Variants in SAXO1 observed in about 807,000 individuals in gnomAD.
The protein encoded by SAXO1 is stabilizer of axonemal microtubules 1, also known as 4930500O09Rik.
In SAXO1, 21 loss-of-function variants were observed where a neutral mutation model predicts 17.5. The ratio of observed to expected loss-of-function variants is 1.20; its 90% confidence interval spans 0.85 to 1.72. The LOEUF (loss-of-function observed/expected upper bound fraction) is 1.72. Among genes scored for constraint, SAXO1 ranks in the 40% most tolerant of loss-of-function variants. SAXO1 has a pLI of 0.00. For missense variants in SAXO1, 843 were observed against 596.0 expected, an observed-to-expected ratio of 1.41 and a Z score of -4.32; for synonymous variants, 274 against 216.5, an observed-to-expected ratio of 1.27 and a Z score of -2.33.
At chr9:18,998,707 C>G (rs1247005546) in intron 1 of SAXO1, among the ~76,000 whole-genome samples, 1 of 152,004 alleles carries the variant, frequency 6.6e-6, no homozygotes, top group East Asian at 1.9e-4. Context: ...TTAAGGGCAC[C>G]CAGAGAGAAA....
chr9:19,038,194 T>C (rs945614493), upstream of SAXO1, among the ~76,000 whole-genome samples: 6 of 152,334 alleles, frequency 3.9e-5, no homozygotes, highest in East Asian at 1.2e-3. Flanking sequence ...TGGAAGGCAG[T>C]GTGGCGATTC....
intron 1 of SAXO1, among the ~76,000 whole-genome samples, chr9:18,965,464 T>C (rs887535243): frequency 6.6e-6 from 1 of 152,242 alleles, no homozygotes; most frequent in Admixed American, 6.5e-5. Context: ...TTTAGGATAG[T>C]TAGCTCTTCT....
chr9:19,032,919 C>G lies in SAXO1; in HGVS notation c.-11G>C, dbSNP rs371503373. 3.1e-6 allele frequency: 5 copies of G among 1,607,344 alleles called. No homozygotes were observed. ...GCACTTCGTCTTCATAGGGGCGATC[C>G]TGAGGCCCTGACGTCCCCTCAGAGC... On this transcript the variant is annotated 5_prime_UTR_variant, in exon 1 of 4. Coordinates refer to ENST00000380534, the MANE Select transcript of SAXO1 (RefSeq NM_153707.4).
At chr9:18,997,267 C>G (rs1834045960) in intron 1 of SAXO1, among the ~76,000 whole-genome samples, 1 of 152,242 alleles carries the variant, frequency 6.6e-6, no homozygotes, top group Non-Finnish European at 1.5e-5. Context: ...CCACAGTCTT[C>G]ACAACCAGCA....
At chr9:19,012,517 C>A (rs75588142) in intron 1 of SAXO1, among the ~76,000 whole-genome samples, 1 of 152,150 alleles carries the variant, frequency 6.6e-6, no homozygotes, top group Admixed American at 6.5e-5. Flanking sequence ...GTGGCACGAA[C>A]CATATGGGGG....
intron 1 of SAXO1, chr9:19,027,380 GAC>G: frequency 1.3e-6 from 1 of 768,974 alleles, no homozygotes; most frequent in East Asian, 2.4e-5. Context: ...GTGGATGAGA[GAC>G]CCACGGAGCA....
intron 1 of SAXO1, among the ~76,000 whole-genome samples, chr9:18,966,688 T>A (rs1328939094): frequency 6.6e-6 from 1 of 152,206 alleles, no homozygotes; most frequent in South Asian, 2.1e-4. Context: ...GGTAGGAACA[T>A]GCTCCTTTGT....
chr9:18,996,763 T>G (rs1285988880), intron 1 of SAXO1, among the ~76,000 whole-genome samples: 1 of 152,092 alleles, frequency 6.6e-6, no homozygotes, highest in Non-Finnish European at 1.5e-5. Context: ...GAAAACTTTT[T>G]CCCTAAGATC....
At chr9:18,977,644 T>G (rs1833202609) in intron 1 of SAXO1, among the ~76,000 whole-genome samples, 2 of 152,188 alleles carry the variant, frequency 1.3e-5, no homozygotes, top group African/African-American at 4.8e-5. Context: ...AGGGGACCCA[T>G]GAGCCACTTG....
At chr9:18,960,478 CT>C (rs984176508) in intron 1 of SAXO1, among the ~76,000 whole-genome samples, 29 of 152,288 alleles carry the variant, frequency 1.9e-4, no homozygotes, top group Admixed American at 1.6e-3. Context: ...CCTGGACCCC[CT>C]GTCAGGTCCA....
rs1002675734 is a variant in SAXO1 at position 18,928,550 on chromosome 9, G to C, written c.927C>G (p.Ala309=). Residue 309 remains alanine, a synonymous_variant, in exon 4 of 4, where the codon GCC becomes GCG. Coordinates refer to ENST00000380534, the MANE Select transcript of SAXO1 (RefSeq NM_153707.4). ...DRMDLLTTVQ[A]HYTCPKGAPA... is the part of the protein sequence containing the mutation. ...GGGCACCCTTAGGGCATGTGTAATG[G>C]GCCTGCACTGTTGTCAGAAGATCCA... 1.2e-6 allele frequency: 2 copies of C among 1,614,096 alleles called. No homozygotes were observed. Among genetic ancestry groups the C allele is most frequent in the Non-Finnish European group, 1.7e-6 (2 of 1,180,002 alleles).
At chr9:19,000,831 G>A (rs1397590446) in intron 1 of SAXO1, among the ~76,000 whole-genome samples, 4 of 152,122 alleles carry the variant, frequency 2.6e-5, no homozygotes, top group Admixed American at 1.3e-4. Context: ...AAGATCAAAA[G>A]AGACAAAGAA....
At chr9:18,972,605 C>T (rs1832987413) in intron 1 of SAXO1, among the ~76,000 whole-genome samples, 2 of 152,152 alleles carry the variant, frequency 1.3e-5, no homozygotes, top group African/African-American at 4.8e-5. Flanking sequence ...CATGAACAGT[C>T]TAGGGCTACA....
chr9:19,006,785 C>A (rs866337330), intron 1 of SAXO1, among the ~76,000 whole-genome samples: 2 of 152,312 alleles, frequency 1.3e-5, no homozygotes, highest in East Asian at 1.9e-4. Context: ...GTGGCTCATG[C>A]CTATAATCCT....
chr9:19,001,944 A>C (rs1834289437), intron 1 of SAXO1, among the ~76,000 whole-genome samples: 1 of 152,170 alleles, frequency 6.6e-6, no homozygotes, highest in South Asian at 2.1e-4. Context: ...CAAAAAAATC[A>C]ATGAATCCAG....
intron 1 of SAXO1, among the ~76,000 whole-genome samples, chr9:18,974,723 G>A (rs374558602): frequency 6.6e-6 from 1 of 152,130 alleles, no homozygotes; most frequent in East Asian, 1.9e-4. Context: ...ATGTATAAAT[G>A]GGGGAGAAGA....
rs369247285 is a variant in SAXO1 at position 18,941,806 on chromosome 9, C to A, written c.252G>T (p.Val84=). 9.3e-6 allele frequency: 15 copies of A among 1,614,086 alleles called. No homozygotes were observed. The highest frequency in any genetic ancestry group is 1.7e-6 in the Non-Finnish European group (2 of 1,180,040). Residue 84 remains valine (V), a synonymous_variant, in exon 3 of 4, where the codon GTG becomes GTT. Transcript: ENST00000380534. ...RDFGPHKVAP[V]KVHQYDQFVP... is the part of the protein sequence containing the mutation. The stretch of plus-strand genomic sequence containing the variant: ...CGAACTGGTCATACTGGTGGACCTT[C>A]ACTGGTGCCACTTTGTGAGGCCCAA...
At chr9:18,976,012 G>C (rs774712125) in intron 1 of SAXO1, among the ~76,000 whole-genome samples, 2 of 152,146 alleles carry the variant, frequency 1.3e-5, no homozygotes, top group Non-Finnish European at 2.9e-5. Flanking sequence ...GCAATACTTA[G>C]GTGTTCACTG....
chr9:19,037,043 C>T (rs1007712607), upstream of SAXO1, among the ~76,000 whole-genome samples: 4 of 152,218 alleles, frequency 2.6e-5, no homozygotes, highest in African/African-American at 9.6e-5. Flanking sequence ...CATTTTGGAG[C>T]TTTAAGATTT....
Sources: allele counts gnomAD v4.1 joint callset (sites outside exome capture counted in the v4.1 genomes callset), GRCh38; gene constraint gnomAD v4.1.1; transcripts MANE v1.5; gene names NCBI Gene and HGNC (gene_info 2026-07-23, HGNC 2026-07-21).